SPOCK3: variants seen among roughly 807,000 people sequenced by gnomAD.
The protein encoded by SPOCK3 is testican-3.
In SPOCK3, 30 loss-of-function variants were observed where a neutral mutation model predicts 56.6. The observed-to-expected ratio is 0.53, with a 90% confidence interval of 0.40 to 0.72. The LOEUF is 0.72. SPOCK3 is among the 30% of genes least tolerant of loss of function. SPOCK3 has a pLI of 0.00. For synonymous variants in SPOCK3, 196 were observed against 183.3 expected, an observed-to-expected ratio of 1.07 and a Z score of -0.56; for missense variants, 527 against 530.0, an observed-to-expected ratio of 0.99 and a Z score of 0.06.
At chr4:167,080,467 G>A (rs1757606401) in intron 2 of SPOCK3, among the ~76,000 whole-genome samples, 1 of 151,912 alleles carries the variant, frequency 6.6e-6, no homozygotes, top group Non-Finnish European at 1.5e-5. Flanking sequence ...TCTTATTAAC[G>A]GGAATGAGCC....
rs1424173605 is a variant in SPOCK3 at position 166,804,026 on chromosome 4, T to C, written c.590-11737A>G. ...AAGAAGGGTTCACTAGCAGCTTCTATGGGATGAAGGGGGTTCGAAGACTTT... is the reference window on the plus strand; with the variant it reads ...AAGAAGGGTTCACTAGCAGCTTCTACGGGATGAAGGGGGTTCGAAGACTTT... On this transcript the variant is annotated intron_variant, in intron 6 of 10. Coordinates refer to ENST00000357545, the MANE Select transcript of SPOCK3 (RefSeq NM_001040159.2). 2.0e-5 allele frequency among the ~76,000 whole-genome samples: 3 copies of C among 152,264 alleles called. No individual in the cohort carries two copies. In the East Asian group the frequency reaches 5.8e-4, roughly 29 times the overall value.
intron 6 of SPOCK3, among the ~76,000 whole-genome samples, chr4:166,887,625 T>G (rs1053476037): frequency 1.3e-5 from 2 of 152,020 alleles, no homozygotes; most frequent in African/African-American, 4.8e-5. Context: ...TGGGCTGTGT[T>G]GAAGAGAGTG....
chr4:167,080,878 C>CTTT (rs766090610), intron 2 of SPOCK3, among the ~76,000 whole-genome samples: 9 of 129,050 alleles, frequency 7.0e-5, no homozygotes, highest in Non-Finnish European at 1.2e-4. Context: ...CTCTTTCTTT[C>CTTT]TTTTTTTTTT....
chr4:166,975,321 C>A (rs1176664627), intron 4 of SPOCK3, among the ~76,000 whole-genome samples: 1 of 152,118 alleles, frequency 6.6e-6, no homozygotes, highest in Non-Finnish European at 1.5e-5. Flanking sequence ...ATGCCAGATT[C>A]ATGTATCTAA....
Position 166,889,197 on chromosome 4 carries a change from G to T in SPOCK3, c.522C>A (p.Val174=). The part of the protein sequence containing the change: ...QACVLGKQIS[V]KCEGHCPCPS... ...GACATGGGCAATGTCCTTCACATTT[G>T]ACTGAGATCTGTTTTCCTAAGACAC... Residue 174 remains valine (V), a synonymous_variant, in exon 6 of 11, where the codon GTC becomes GTA. Transcript: ENST00000357545. 1 of 1,611,906 alleles carries T rather than the reference G, an allele frequency of 6.2e-7. No individual in the cohort carries two copies. The highest frequency in any genetic ancestry group is 1.1e-5 in the South Asian group (1 of 90,996).
chr4:167,061,101 A>G (rs1314370828), intron 3 of SPOCK3, among the ~76,000 whole-genome samples: 1 of 152,036 alleles, frequency 6.6e-6, no homozygotes, highest in Non-Finnish European at 1.5e-5. Context: ...ACTCTCAAAT[A>G]GCATTCTTTT....
chr4:166,864,640 A>G (rs943808816), intron 6 of SPOCK3, among the ~76,000 whole-genome samples: 5 of 152,188 alleles, frequency 3.3e-5, no homozygotes, highest in African/African-American at 1.2e-4. Flanking sequence ...ACCATCAGAG[A>G]ATGCTATAAA....
chr4:166,883,919 T>A (rs1262404900), intron 6 of SPOCK3, among the ~76,000 whole-genome samples: 9 of 152,192 alleles, frequency 5.9e-5, no homozygotes, highest in Admixed American at 5.9e-4. Context: ...TGTGTCCACA[T>A]GGTAGTTCAC....
chr4:167,032,194 G>A (rs540139516), intron 3 of SPOCK3, among the ~76,000 whole-genome samples: 2 of 151,802 alleles, frequency 1.3e-5, no homozygotes, highest in Admixed American at 1.3e-4. Context: ...TTGAGAGAGG[G>A]GTAGTATATG....
At chr4:167,116,396 A>T (rs548124774) in intron 2 of SPOCK3, among the ~76,000 whole-genome samples, 78 of 147,758 alleles carry the variant, frequency 5.3e-4, no homozygotes, top group African/African-American at 1.8e-3. Context: ...TACTTTTGTA[A>T]ATATATATAC....
intron 2 of SPOCK3, chr4:167,119,714 G>C (rs1761711743): frequency 1.0e-6 from 1 of 1,000,176 alleles, no homozygotes; most frequent in Admixed American, 2.2e-5. Context: ...TATTTAAATA[G>C]AGAACGTTAT....
chr4:167,104,232 A>T (rs1759902103), intron 2 of SPOCK3, among the ~76,000 whole-genome samples: 2 of 152,150 alleles, frequency 1.3e-5, no homozygotes, highest in Admixed American at 1.3e-4. Context: ...TACAAAACGA[A>T]CTAAATAAGG....
At chr4:167,056,364 TA>T (rs951227363) in intron 3 of SPOCK3, among the ~76,000 whole-genome samples, 23 of 152,056 alleles carry the variant, frequency 1.5e-4, no homozygotes, top group African/African-American at 4.8e-4. Context: ...CTGGAAACAC[TA>T]AAAAGCAGAG....
At chr4:166,978,464 G>A (rs1746206652) in intron 4 of SPOCK3, among the ~76,000 whole-genome samples, 1 of 152,146 alleles carries the variant, frequency 6.6e-6, no homozygotes, top group African/African-American at 2.4e-5. Context: ...GGTCAGAGAT[G>A]AATAAAAAAC....
intron 3 of SPOCK3, among the ~76,000 whole-genome samples, chr4:167,053,193 A>C (rs988384615): frequency 1.3e-5 from 2 of 152,156 alleles, no homozygotes; most frequent in Admixed American, 6.5e-5. Context: ...TAAACACATG[A>C]CTGCCCTTCC....
intron 2 of SPOCK3, among the ~76,000 whole-genome samples, chr4:167,185,332 C>A (rs1395952561): frequency 6.6e-6 from 1 of 152,166 alleles, no homozygotes; most frequent in South Asian, 2.1e-4. Context: ...AATATTCCCA[C>A]CATTGATAAA....
intron 4 of SPOCK3, among the ~76,000 whole-genome samples, chr4:166,943,173 G>T (rs1396065866): frequency 6.6e-6 from 1 of 152,152 alleles, no homozygotes; most frequent in African/African-American, 2.4e-5. Context: ...CTAGTGCTGA[G>T]AATTTTTAAA....
In SPOCK3 at chr4:167,029,208, C is replaced by T. The variant is rs574034845; in HGVS notation, c.236-28745G>A. Among the ~76,000 whole-genome samples the T allele has an allele frequency of 7.2e-5, 11 of 151,766 alleles. No individual in the cohort carries two copies. In the East Asian group the frequency reaches 1.9e-3, roughly 27 times the overall value. ...TCCTGAGTTAGTTTGCTGAGGATAA[C>T]GGCTTCCAGCAATCATTAATCACAC... On this transcript the variant is annotated intron_variant, in intron 3 of 10. Transcript: ENST00000357545.
At chr4:167,187,093 C>T (rs902912181) in intron 2 of SPOCK3, among the ~76,000 whole-genome samples, 3 of 151,532 alleles carry the variant, frequency 2.0e-5, no homozygotes, top group Non-Finnish European at 2.9e-5. Flanking sequence ...AAAACATATA[C>T]AGTTAATAGA....
Sources: allele counts gnomAD v4.1 joint callset (sites outside exome capture counted in the v4.1 genomes callset), GRCh38; gene constraint gnomAD v4.1.1; transcripts MANE v1.5; gene names NCBI Gene and HGNC (gene_info 2026-07-23, HGNC 2026-07-21).